The following KIF21B variants were observed in gnomAD, a reference collection of about 807,000 sequenced individuals.
KIF21B encodes the protein kinesin family member 21B.
KIF21B carries 85 observed loss-of-function variants against 192.9 expected under a neutral mutation model. The observed-to-expected ratio is 0.44, with a 90% CI of 0.37 to 0.53. The LOEUF (loss-of-function observed/expected upper bound fraction) is 0.53. KIF21B is among the 20% of genes least tolerant of loss of function. The probability of loss-of-function intolerance (pLI) is 0.00; values close to 1 mark genes in which losing one functional copy is unlikely to be tolerated. For missense variants in KIF21B, 1,716 were observed against 2,194.8 expected, an observed-to-expected ratio of 0.78 and a Z score of 4.36; for synonymous variants, 832 against 884.6, an observed-to-expected ratio of 0.94 and a Z score of 1.05.
intron 9 of KIF21B, among the ~76,000 whole-genome samples, chr1:201,001,037 G>A (rs771510547): frequency 6.6e-6 from 1 of 151,788 alleles, no homozygotes; most frequent in Non-Finnish European, 1.5e-5. Flanking sequence ...AACCTGGGAG[G>A]TGGAGGTTGC....
Position 200,990,570 on chromosome 1 carries a change from G to A in KIF21B, c.2835+6C>T. ...GAATGGAAGAGAAGGGGGAGGCAGG[G>A]CTCACCTTGATGAGCCGCTCCATGT... On this transcript the variant is annotated splice_donor_region_variant and intron_variant, in intron 19 of 34. Coordinates refer to ENST00000461742, the MANE Select transcript of KIF21B (RefSeq NM_001252102.2). This position sits in a 1 kb window ranked among gnomAD's most constrained non-coding sequence, Gnocchi z 5.4. 6.2e-7 allele frequency: 1 copy of A among 1,613,202 alleles called. No homozygotes were observed. The highest frequency in any genetic ancestry group is 1.1e-5 in the South Asian group (1 of 91,034).
rs2102436540 is a variant in KIF21B at position 201,000,053 on chromosome 1, G to A, written c.1686-89C>T. ...GACGGCGGCAGCGGCAGAAAAGGAAGGCTCTCACCAGAGGCCGGGGAGAGC... is the reference window on the plus strand; with the variant it reads ...GACGGCGGCAGCGGCAGAAAAGGAAAGCTCTCACCAGAGGCCGGGGAGAGC... On this transcript the variant is annotated intron_variant, in intron 11 of 34. Transcript: ENST00000461742. The surrounding 1 kb of genome is among the most constrained non-coding windows in gnomAD (Gnocchi z 6.0). 1.6e-6 allele frequency: 2 copies of A among 1,215,400 alleles called. No individual in the cohort carries two copies. Among genetic ancestry groups the A allele is most frequent in the South Asian group, 2.4e-5 (2 of 82,836 alleles). The allele number at this position is 1,215,400 out of a possible 1,614,324, so 75.3% of individuals were successfully genotyped here. A position where few individuals can be genotyped will look rare whatever the true frequency, so the allele number is the denominator to read the frequency against.
intron 30 of KIF21B, among the ~76,000 whole-genome samples, chr1:200,978,484 A>G (rs1463434141): frequency 1.4e-5 from 2 of 139,618 alleles, no homozygotes; most frequent in Non-Finnish European, 3.1e-5. Flanking sequence ...CATTATCAAC[A>G]CCCCCCACCA....
In KIF21B at chr1:200,988,621, C is replaced by T. The variant is rs1242521285; in HGVS notation, c.3299-77G>A. 3 of 1,463,508 alleles carry T rather than the reference C, an allele frequency of 2.0e-6. No homozygotes were observed. The Admixed American group carries it at 6.1e-5, about 30-fold the overall frequency. The allele number at this position is 1,463,508 out of a possible 1,614,324, so 90.7% of individuals were successfully genotyped here. A position where few individuals can be genotyped will look rare whatever the true frequency, so the allele number is the denominator to read the frequency against. ...TCGGGGGAGGGATGATGGTCTCCCT[C>T]CTATATCTCACCCACTGGAATCAGA... is the stretch of plus-strand genomic sequence containing the variant. On this transcript the variant is annotated intron_variant, in intron 22 of 34. Coordinates refer to ENST00000461742, the MANE Select transcript of KIF21B (RefSeq NM_001252102.2).
At position 200,991,640 on chromosome 1, in the gene KIF21B, CCCT is replaced by C. The variant is rs767000532; in HGVS notation, c.2454+14_2454+16del. ...GCAGCAGGGCCAGGGCCTCGCCAGCCCCTCGAGTGAGCTCACCTCCTGGGTCTT... is the reference window on the plus strand; with the variant it reads ...GCAGCAGGGCCAGGGCCTCGCCAGCCCGAGTGAGCTCACCTCCTGGGTCTT... On this transcript the variant is annotated intron_variant, in intron 17 of 34. Coordinates refer to ENST00000461742, the MANE Select transcript of KIF21B (RefSeq NM_001252102.2). The C allele has an allele frequency of 1.4e-5, 23 of 1,613,328 alleles. No homozygotes were observed. The East Asian group carries it at 4.5e-4, about 31-fold the overall frequency.
chr1:200,998,545 AG>A lies in KIF21B; in HGVS notation c.1915del (p.Leu639Ter), dbSNP rs1476294842. 6.2e-7 allele frequency: 1 copy of A among 1,613,708 alleles called. No individual in the cohort carries two copies. Among genetic ancestry groups the A allele is most frequent in the Admixed American group, 1.7e-5 (1 of 59,988 alleles). On this transcript the variant is annotated frameshift_variant, in exon 14 of 35. Coordinates refer to ENST00000461742, the MANE Select transcript of KIF21B (RefSeq NM_001252102.2). LOFTEE classifies it high-confidence loss of function. This position sits in a 1 kb window ranked among gnomAD's most constrained non-coding sequence, Gnocchi z 4.3. Reference protein sequence around the residue: ...EVNFQADLADLTCEIEIKQKL... With the variant: ...EVNFQADLADXTCEIEIKQKL... ...CTGCTTGATTTCGATCTCACAAGTC[AG>A]GTCGGCCAGGTCCGCCTGGAAGTTC...
At position 200,999,741 on chromosome 1, in the gene KIF21B, A is replaced by G; in HGVS notation, c.1767+142T>C. On this transcript the variant is annotated intron_variant, in intron 12 of 34. Coordinates refer to ENST00000461742, the MANE Select transcript of KIF21B (RefSeq NM_001252102.2). This position sits in a 1 kb window ranked among gnomAD's most constrained non-coding sequence, Gnocchi z 4.7. ...AGATCACCATGGTAACCAGTCAGAG[A>G]TATAAGGAAGTACAAGGATCAACTG... 1 of 910,930 alleles carries G rather than the reference A, an allele frequency of 1.1e-6. No individual in the cohort carries two copies. Among genetic ancestry groups the G allele is most frequent in the Non-Finnish European group, 1.8e-6 (1 of 570,668 alleles). 56.4% of individuals were successfully genotyped at this position (910,930 alleles called of 1,614,324 possible). A position where few individuals can be genotyped will look rare whatever the true frequency, so the allele number is the denominator to read the frequency against.
At position 200,990,587 on chromosome 1, in the gene KIF21B, G is replaced by A. The variant is rs754180658; in HGVS notation, c.2824C>T (p.Arg942Trp). The A allele has an allele frequency of 2.5e-6, 4 of 1,613,888 alleles. No homozygotes were observed. Among genetic ancestry groups the A allele is most frequent in the Admixed American group, 1.7e-5 (1 of 60,022 alleles). Residue 942 changes from arginine (R) to tryptophan (W), a missense_variant, in exon 19 of 35, where the codon CGG becomes TGG. Arg to Trp is a moderately radical substitution (Grantham distance 101). This residue lies in a region of KIF21B where 1,087 missense variants were observed against 1,316.6 expected (regional missense o/e 0.83). Transcript: ENST00000461742. This position sits in a 1 kb window ranked among gnomAD's most constrained non-coding sequence, Gnocchi z 5.4. ...GAGGCAGGGCTCACCTTGATGAGCCGCTCCATGTCAGCCTCCAGGTTGACA... is the reference window on the plus strand; with the variant it reads ...GAGGCAGGGCTCACCTTGATGAGCCACTCCATGTCAGCCTCCAGGTTGACA... Reference protein sequence around the residue: ...TIVNLEADMERLIKKREELFL... With the variant: ...TIVNLEADMEWLIKKREELFL...
chr1:200,997,479 T>G (rs1241297552), intron 14 of KIF21B, among the ~76,000 whole-genome samples: 1 of 152,206 alleles, frequency 6.6e-6, no homozygotes, highest in African/African-American at 2.4e-5. Flanking sequence ...GCACGGTGGC[T>G]CATGCCTGTA....
At chr1:201,005,767 A>C (rs772302557) in intron 3 of KIF21B, 73 bp from the exon 4 acceptor site, 24 of 1,469,144 alleles carry the variant, frequency 1.6e-5, no homozygotes, top group Non-Finnish European at 2.2e-5. Context: ...ATGCCTATAA[A>C]CCATATCTGT....
In KIF21B at chr1:200,975,624, G is replaced by T; in HGVS notation, c.4489C>A (p.His1497Asn). ...TCGTAGTGCGGGGGCTCGAAGTTGT[G>T]AGTGGGGCCGATGGTGCCCGTCACA... ...ECVTGTIGPT[H>N]NFEPPHYDGI... Residue 1497 changes from histidine to asparagine, a missense_variant, in exon 33 of 35, where the codon CAC becomes AAC. This residue lies in a region of KIF21B where 580 missense variants were observed against 775.5 expected (regional missense o/e 0.75). Transcript: ENST00000461742. This position sits in a 1 kb window ranked among gnomAD's most constrained non-coding sequence, Gnocchi z 4.3. 1 of 1,613,880 alleles carries T rather than the reference G, an allele frequency of 6.2e-7. No individual in the cohort carries two copies. The highest frequency in any genetic ancestry group is 1.1e-5 in the South Asian group (1 of 91,062).
In KIF21B at chr1:200,988,771, T is replaced by G; in HGVS notation, c.3293A>C (p.Gln1098Pro). 1.2e-6 allele frequency: 2 copies of G among 1,612,718 alleles called. No individual in the cohort carries two copies. The highest frequency in any genetic ancestry group is 1.7e-6 in the Non-Finnish European group (2 of 1,179,154). The change falls in exon 22 of 35, where the codon CAG (glutamine) becomes CCG (proline). Residue 1098 changes from glutamine to proline, a missense_variant. Physicochemically the swap from Gln to Pro is moderately conservative, Grantham distance 76 (BLOSUM62 -1). Around this residue, in one of 3 missense-constraint regions of KIF21B, gnomAD observed 580 missense variants for 775.5 expected, o/e 0.75. Coordinates refer to ENST00000461742, the MANE Select transcript of KIF21B (RefSeq NM_001252102.2). ...PELQALIYNV[Q>P]QENGYASTDE... ...CCAACCGCCCCTACCCGTACCCTGC[T>G]GCACATTGTAGATGAGGGCCTGCAG...
intron 29 of KIF21B, among the ~76,000 whole-genome samples, chr1:200,980,273 G>C (rs1655830199): frequency 6.6e-6 from 1 of 152,200 alleles, no homozygotes; most frequent in South Asian, 2.1e-4. Context: ...TTTGCTTATT[G>C]AGATAGGGTC....
intron 7 of KIF21B, 97 bp from the exon 8 acceptor site, chr1:201,003,878 C>G (rs1250112745): frequency 4.7e-6 from 6 of 1,275,426 alleles, no homozygotes; most frequent in East Asian, 4.7e-5. Flanking sequence ...CCCATTCCCC[C>G]ACTACCTTAA....
chr1:200,998,735 C>T lies in KIF21B; in HGVS notation c.1886-160G>A, dbSNP rs769607000. ...GATAAATCCTAATGCAGGTAGAATG[C>T]GGCCAGAAGGAGGAACACATTTAAA... On this transcript the variant is annotated intron_variant, in intron 13 of 34. Coordinates refer to ENST00000461742, the MANE Select transcript of KIF21B (RefSeq NM_001252102.2). The surrounding 1 kb of genome is among the most constrained non-coding windows in gnomAD (Gnocchi z 4.3). Among the ~76,000 whole-genome samples, 49 of 152,070 alleles carry T rather than the reference C, an allele frequency of 3.2e-4. No individual in the cohort carries two copies. The highest frequency in any genetic ancestry group is 2.8e-3 in the Admixed American group (42 of 15,262).
chr1:201,000,754 G>A lies in KIF21B; in HGVS notation c.1429C>T (p.Leu477=), dbSNP rs371613714. The change falls in exon 10 of 35, where the codon CTG becomes TTG. Residue 477 remains leucine (L), a synonymous_variant. Transcript: ENST00000461742. The surrounding 1 kb of genome is among the most constrained non-coding windows in gnomAD (Gnocchi z 6.0). ...ATCTCCCGGATGTAGTTCTGGATCA[G>A]CGCACCAATGGCCTCATTGCCATCG... ...AGDGNEAIGA[L]IQNYIREIEE... is the part of the protein sequence containing the mutation. 81 of 1,614,140 alleles carry A rather than the reference G, an allele frequency of 5.0e-5. No homozygotes were observed. The highest frequency in any genetic ancestry group is 6.7e-5 in the Non-Finnish European group (79 of 1,180,044).
intron 1 of KIF21B, among the ~76,000 whole-genome samples, chr1:201,014,582 C>T (rs774856705): frequency 1.6e-4 from 25 of 152,214 alleles, no homozygotes; most frequent in Non-Finnish European, 1.6e-4. Context: ...TGGCCCTAGC[C>T]GGGCCTCATC....
Position 200,982,746 on chromosome 1 carries a change from G to A in KIF21B, c.3842+310C>T, listed in dbSNP as rs896073217. On this transcript the variant is annotated intron_variant, in intron 28 of 34. Coordinates refer to ENST00000461742, the MANE Select transcript of KIF21B (RefSeq NM_001252102.2). The surrounding 1 kb of genome is among the most constrained non-coding windows in gnomAD (Gnocchi z 4.7). ...CTCAGCCCCAGCCCAGCATCCCCTA[G>A]GCCTCCATGCTGCGCCCCTCCCTGC... 1.3e-5 allele frequency among the ~76,000 whole-genome samples: 2 copies of A among 152,152 alleles called. No individual in the cohort carries two copies. Among genetic ancestry groups the A allele is most frequent in the African/African-American group, 4.8e-5 (2 of 41,436 alleles).
chr1:201,023,239 T>C lies in KIF21B; in HGVS notation c.41+104A>G. On this transcript the variant is annotated intron_variant, in intron 1 of 34. Transcript: ENST00000461742. This position sits in a 1 kb window ranked among gnomAD's most constrained non-coding sequence, Gnocchi z 5.9. ...CCCACGCCGGCCCCTCCTCCGGGAGTGCAGGCTCCAGCCCAAGCGGTGCTC... is the reference window on the plus strand; with the variant it reads ...CCCACGCCGGCCCCTCCTCCGGGAGCGCAGGCTCCAGCCCAAGCGGTGCTC... The C allele has an allele frequency of 2.0e-6, 2 of 988,882 alleles. No homozygotes were observed. Among genetic ancestry groups the C allele is most frequent in the Middle Eastern group, 3.4e-4 (1 of 2,926 alleles). 61.3% of individuals were successfully genotyped at this position (988,882 alleles called of 1,614,324 possible).
Sources: gnomAD v4.1 joint callset for allele counts (sites outside exome capture counted in the v4.1 genomes callset) on GRCh38, gnomAD v4.1.1 for gene constraint, gnomAD v4.1.1 regional missense constraint, Gnocchi (gnomAD v3.1) non-coding constraint, MANE v1.5 for transcripts, NCBI Gene and HGNC (gene_info 2026-07-23, HGNC 2026-07-21) for gene names.